Variants in LYG1 observed in about 807,000 individuals in gnomAD.
LYG1 encodes lysozyme g-like protein 1.
A neutral mutation model predicts 21.7 loss-of-function variants in LYG1; 17 were observed. The observed-to-expected ratio is 0.78, with a 90% CI of 0.54 to 1.18. The LOEUF is 1.18. LYG1 is among the 50% of genes most tolerant of loss of function. The pLI is 0.00. For synonymous variants in LYG1, 81 were observed against 87.4 expected (o/e 0.93, Z 0.41); for missense variants, 211 against 238.1 (o/e 0.89, Z 0.75).
Position 99,296,185 on chromosome 2 carries a change from A to G in LYG1, c.-32-483T>C, listed in dbSNP as rs1437210011. On this transcript the variant is annotated intron_variant, in intron 2 of 6. Coordinates refer to ENST00000308528, the MANE Select transcript of LYG1 (RefSeq NM_174898.3). ...ACCACGCTTTCCTCAGTGCCCTGGA[A>G]TGTACACTGGTTGGAAGACGTTTCC... Among the ~76,000 whole-genome samples, 4 of 152,132 alleles carry G rather than the reference A, an allele frequency of 2.6e-5. No individual in the cohort carries two copies. The East Asian group carries it at 7.7e-4, about 29-fold the overall frequency.
At chr2:99,293,612 A>G (rs1020027395) in intron 3 of LYG1, among the ~76,000 whole-genome samples, 1 of 151,936 alleles carries the variant, frequency 6.6e-6, no homozygotes, top group Non-Finnish European at 1.5e-5. Context: ...ATCTCTCTCT[A>G]CCTCTGTCAT....
chr2:99,295,712 CA>C lies in LYG1; in HGVS notation c.-32-11del. 1 of 1,612,670 alleles carries C rather than the reference CA, an allele frequency of 6.2e-7. No individual in the cohort carries two copies. Among genetic ancestry groups the C allele is most frequent in the Non-Finnish European group, 8.5e-7 (1 of 1,178,926 alleles). On this transcript the variant is annotated splice_polypyrimidine_tract_variant and intron_variant, in intron 2 of 6. Transcript: ENST00000308528. ...TACGGCTCCTGAAACACTTTTAAAA[CA>C]AAAATTAGCTTGAGAATACAAAAAT...
chr2:99,298,962 C>T (rs2094145595), intron 1 of LYG1, among the ~76,000 whole-genome samples: 1 of 152,110 alleles, frequency 6.6e-6, no homozygotes, highest in Non-Finnish European at 1.5e-5. Context: ...GACAAAGTCT[C>T]ACTCTGTCGC....
chr2:99,293,514 G>A (rs2094127153), intron 3 of LYG1, among the ~76,000 whole-genome samples: 1 of 152,228 alleles, frequency 6.6e-6, no homozygotes, highest in African/African-American at 2.4e-5. Flanking sequence ...TAAGGCTGCA[G>A]AAGGGAGTGA....
chr2:99,289,071 T>A (rs1255880078), intron 5 of LYG1, among the ~76,000 whole-genome samples: 1 of 152,068 alleles, frequency 6.6e-6, no homozygotes, highest in African/African-American at 2.4e-5. Context: ...TGGGCCCCAT[T>A]TCAGACCTAC....
intron 3 of LYG1, among the ~76,000 whole-genome samples, chr2:99,295,353 T>C (rs534129560): frequency 5.4e-4 from 82 of 152,328 alleles, no homozygotes; most frequent in Admixed American, 1.4e-3. Context: ...TTTTTTATAG[T>C]GGACAATGAG....
At chr2:99,295,152 T>C (rs2094132872) in intron 3 of LYG1, among the ~76,000 whole-genome samples, 1 of 152,176 alleles carries the variant, frequency 6.6e-6, no homozygotes, top group Non-Finnish European at 1.5e-5. Flanking sequence ...CTTTCCCTTT[T>C]TCCTCCAGCT....
chr2:99,284,324 T>TG lies in LYG1; in HGVS notation c.*68dup. ...TCAGATTCCCAGTTACAGGTGCCCT[T>TG]GGCTAGTTTTATCTGTGTAACATTT... On this transcript the variant is annotated 3_prime_UTR_variant, in exon 7 of 7. Coordinates refer to ENST00000308528, the MANE Select transcript of LYG1 (RefSeq NM_174898.3). 1 of 1,357,432 alleles carries TG rather than the reference T, an allele frequency of 7.4e-7. No homozygotes were observed. The highest frequency in any genetic ancestry group is 1.0e-6 in the Non-Finnish European group (1 of 963,490). 84.1% of individuals were successfully genotyped at this position (1,357,432 alleles called of 1,614,324 possible). A position where few individuals can be genotyped will look rare whatever the true frequency, so the allele number is the denominator to read the frequency against.
chr2:99,285,148 G>T (rs1410490770), intron 5 of LYG1, among the ~76,000 whole-genome samples: 1 of 152,144 alleles, frequency 6.6e-6, no homozygotes, highest in African/African-American at 2.4e-5. Context: ...GATCACTTAA[G>T]CTCAGGAGTT....
upstream of LYG1, among the ~76,000 whole-genome samples, chr2:99,301,844 G>A (rs1404158035): frequency 1.3e-5 from 2 of 149,202 alleles, no homozygotes; most frequent in Admixed American, 6.8e-5. Flanking sequence ...AGAGATGATC[G>A]GCTGGATGAT....
At position 99,291,292 on chromosome 2, in the gene LYG1, T is replaced by C. The variant is rs1392249479; in HGVS notation, c.278A>G (p.Lys93Arg). 6.2e-7 allele frequency: 1 copy of C among 1,613,482 alleles called. No homozygotes were observed. Among genetic ancestry groups the C allele is most frequent in the African/African-American group, 1.3e-5 (1 of 75,016 alleles). Residue 93 changes from lysine to arginine, a missense_variant, in exon 5 of 7, where the codon AAG (lysine) becomes AGG (arginine). Transcript: ENST00000308528. ...GACCAGAATTTTGTCACCGGGAGAC[T>C]TCCTGGACAAGACACCAGCGATCAC... ...PAVIAGVLSRKSPGDKILVNM... is the reference protein window; with the variant it reads ...PAVIAGVLSRRSPGDKILVNM...
chr2:99,298,581 T>C (rs2094144291), intron 1 of LYG1, 32 bp from the exon 2 acceptor site: 1 of 152,244 alleles, frequency 6.6e-6, no homozygotes, highest in African/African-American at 2.4e-5. Flanking sequence ...ATCTTTGGTC[T>C]TATGGTTTTC....
At chr2:99,285,603 T>C (rs7606279) in intron 5 of LYG1, among the ~76,000 whole-genome samples, 126,616 of 152,198 alleles carry the variant, frequency 0.83, 53,247 homozygotes, top group Middle Eastern at 0.97. Context: ...CCGGAGACCC[T>C]GAAACATGCT....
intron 3 of LYG1, among the ~76,000 whole-genome samples, chr2:99,294,945 T>C (rs1384250844): frequency 6.6e-6 from 1 of 152,002 alleles, no homozygotes; most frequent in Non-Finnish European, 1.5e-5. Flanking sequence ...CTACTAAAAA[T>C]ACAAAAATTA....
intron 1 of LYG1, among the ~76,000 whole-genome samples, chr2:99,300,404 T>C (rs1363637651): frequency 6.6e-6 from 1 of 152,158 alleles, no homozygotes; most frequent in Non-Finnish European, 1.5e-5. Flanking sequence ...GGAAGGATCA[T>C]CCTATGCTGG....
chr2:99,294,861 C>T (rs2094131867), intron 3 of LYG1, among the ~76,000 whole-genome samples: 1 of 152,032 alleles, frequency 6.6e-6, no homozygotes, highest in African/African-American at 2.4e-5. Flanking sequence ...CCCTGTAATC[C>T]CAGCACTTTG....
At position 99,289,968 on chromosome 2, in the gene LYG1, C is replaced by T. The variant is rs146326710; in HGVS notation, c.333+1269G>A. ...CTACCCCCCAGGTTCAAGCAATCCT[C>T]TCACCTCAGCCTCCCAAGTAGCTGG... On this transcript the variant is annotated intron_variant, in intron 5 of 6. Coordinates refer to ENST00000308528, the MANE Select transcript of LYG1 (RefSeq NM_174898.3). Among the ~76,000 whole-genome samples, 12 of 152,252 alleles carry T rather than the reference C, an allele frequency of 7.9e-5. No individual in the cohort carries two copies. The East Asian group carries it at 2.3e-3, about 29-fold the overall frequency.
At position 99,300,778 on chromosome 2, in the gene LYG1, G is replaced by A. The variant is rs1473405657; in HGVS notation, c.-124+272C>T. 2.9e-5 allele frequency among the ~76,000 whole-genome samples: 4 copies of A among 136,842 alleles called. 1 individual carries two copies. Among genetic ancestry groups the A allele is most frequent in the South Asian group, 5.2e-4 (2 of 3,828 alleles). 89.8% of individuals were successfully genotyped at this position (136,842 alleles called of 152,430 possible). The stretch of plus-strand genomic sequence containing the variant: ...ACACATTTCTTTTCTCCCATTATTC[G>A]ATTTGCACATGCTCACAAATCCAAA... On this transcript the variant is annotated intron_variant, in intron 1 of 6. Coordinates refer to ENST00000308528, the MANE Select transcript of LYG1 (RefSeq NM_174898.3).
At chr2:99,303,173 C>T (rs1414356115), upstream of LYG1, among the ~76,000 whole-genome samples, 3 of 152,002 alleles carry the variant, frequency 2.0e-5, no homozygotes, top group Non-Finnish European at 2.9e-5. Context: ...GGGTTCCTCT[C>T]GGTTGTTGGC....
Sources: allele counts gnomAD v4.1 joint callset (sites outside exome capture counted in the v4.1 genomes callset), GRCh38; gene constraint gnomAD v4.1.1; transcripts MANE v1.5; gene names NCBI Gene and HGNC (gene_info 2026-07-23, HGNC 2026-07-21).